Variants in NAGPA observed in about 807,000 individuals in gnomAD.
The protein encoded by NAGPA is N-acetylglucosamine-1-phosphodiester alpha-N-acetylglucosaminidase.
NAGPA carries 56 observed loss-of-function variants against 48.5 expected under a neutral mutation model. The ratio of observed to expected loss-of-function variants is 1.15; its 90% confidence interval spans 0.93 to 1.44. The LOEUF (loss-of-function observed/expected upper bound fraction) is 1.44, where lower values mean the gene tolerates loss of function less well. Among genes scored for constraint, NAGPA ranks in the 40% most tolerant of loss-of-function variants. The probability of loss-of-function intolerance (pLI) is 0.00; values close to 1 mark genes in which losing one functional copy is unlikely to be tolerated. For synonymous variants in NAGPA, 399 were observed against 315.5 expected (o/e 1.26, Z -2.81); for missense variants, 888 against 735.0 (o/e 1.21, Z -2.41).
In NAGPA at chr16:5,033,627, C is replaced by G. The variant is rs896748298; in HGVS notation, c.188G>C (p.Ser63Thr). Residue 63 changes from serine (S) to threonine (T), a missense_variant, in exon 2 of 10, where the codon AGT (serine) becomes ACT (threonine). By Grantham distance (58) the Ser-to-Thr change is moderately conservative. Coordinates refer to ENST00000312251, the MANE Select transcript of NAGPA (RefSeq NM_016256.4). The surrounding 1 kb of genome is among the most constrained non-coding windows in gnomAD (Gnocchi z 4.2). ...GGGAGTCGCGGGAGGCGGAGGCCAA[C>G]TCTCGTGCTCGCGGTTGCCGGCGCG... ...RVRAGNREHE[S>T]WPPPPATPGA... is the part of the protein sequence containing the mutation. 7 of 1,528,478 alleles carry G rather than the reference C, an allele frequency of 4.6e-6. No homozygotes were observed. The African/African-American group carries it at 5.7e-5, about 12-fold the overall frequency. 94.7% of individuals were successfully genotyped at this position (1,528,478 alleles called of 1,614,324 possible).
intron 7 of NAGPA, 25 bp from the exon 8 acceptor site, chr16:5,027,404 G>A (rs753430253): frequency 1.2e-6 from 2 of 1,607,998 alleles, no homozygotes; most frequent in South Asian, 2.2e-5. Context: ...TGGGAGGAGG[G>A]AGGAGGGAGG....
chr16:5,030,786 T>C, intron 3 of NAGPA: 1 of 475,644 alleles, frequency 2.1e-6, no homozygotes, highest in Non-Finnish European at 3.9e-6. Flanking sequence ...AGCCTCTTCC[T>C]CCTCCTGCCT....
At position 5,027,885 on chromosome 16, in the gene NAGPA, G is replaced by C; in HGVS notation, c.1135C>G (p.Arg379Gly). The C allele has an allele frequency of 6.3e-7, 1 of 1,588,398 alleles. No individual in the cohort carries two copies. The highest frequency in any genetic ancestry group is 8.6e-7 in the Non-Finnish European group (1 of 1,167,852). The change falls in exon 7 of 10, where the codon CGC (arginine) becomes GGC (glycine). Residue 379 changes from arginine to glycine, a missense_variant. Coordinates refer to ENST00000312251, the MANE Select transcript of NAGPA (RefSeq NM_016256.4). Reference sequence around the variant, plus strand: ...GACCCGGTCCATCCGGCATCACAGCGGCAGCCGGCTGCCGAGACAAGACCG... The same window carrying C: ...GACCCGGTCCATCCGGCATCACAGCCGCAGCCGGCTGCCGAGACAAGACCG... ...QHGLCTETGC[R>G]CDAGWTGSNC...
chr16:5,029,201 T>G (rs1264201616), intron 4 of NAGPA, 193 bp from the exon 5 acceptor site: 3 of 889,632 alleles, frequency 3.4e-6, no homozygotes, highest in Admixed American at 2.2e-5. Context: ...CCTGTGCTGT[T>G]ACATGGCATA....
In NAGPA at chr16:5,028,094, C is replaced by T. The variant is rs761063988; in HGVS notation, c.1012G>A (p.Gly338Arg). 6.2e-6 allele frequency: 10 copies of T among 1,612,588 alleles called. No individual in the cohort carries two copies. Among genetic ancestry groups the T allele is most frequent in the East Asian group, 2.2e-5 (1 of 44,836 alleles). The change falls in exon 6 of 10, where the codon GGG becomes AGG. Residue 338 changes from glycine (G) to arginine (R), a missense_variant. By Grantham distance (125) the Gly-to-Arg change is moderately radical. Transcript: ENST00000312251. ...TGGCAGTGCCCGTCCACGCAGGTCC[C>T]GTGGCCGTGGCAGTCAGGCGGCTGG... ...RCQPPDCHGH[G>R]TCVDGHCQCT...
At position 5,028,065 on chromosome 16, in the gene NAGPA, G is replaced by A; in HGVS notation, c.1041C>T (p.Cys347=). 13 of 1,613,848 alleles carry A rather than the reference G, an allele frequency of 8.1e-6. No individual in the cohort carries two copies. The highest frequency in any genetic ancestry group is 1.1e-5 in the South Asian group (1 of 91,082). The change falls in exon 6 of 10, where the codon TGC becomes TGT. Residue 347 remains cysteine (C), a synonymous_variant. Coordinates refer to ENST00000312251, the MANE Select transcript of NAGPA (RefSeq NM_016256.4). ...HGTCVDGHCQ[C]TGHFWRGPGC... ...CGGGACCCCGCCAGAAGTGCCCGGT[G>A]CATTGGCAGTGCCCGTCCACGCAGG...
Position 5,028,961 on chromosome 16 carries a change from A to C in NAGPA, c.839T>G (p.Val280Gly). 1 of 1,613,998 alleles carries C rather than the reference A, an allele frequency of 6.2e-7. No individual in the cohort carries two copies. The change falls in exon 5 of 10, where the codon GTC becomes GGC. Residue 280 changes from valine (V) to glycine (G), a missense_variant. Transcript: ENST00000312251. The part of the protein sequence containing the change: ...MAEFLLKQDV[V>G]NAINLDGGGS... Reference sequence around the variant, plus strand: ...ACCCCCATCCAGGTTGATGGCGTTGACCACGTCCTGTTTCAGCAGGAACTC... The same window carrying C: ...ACCCCCATCCAGGTTGATGGCGTTGCCCACGTCCTGTTTCAGCAGGAACTC...
chr16:5,028,776 C>T, intron 5 of NAGPA, 104 bp downstream of exon 5: 2 of 1,575,044 alleles, frequency 1.3e-6, no homozygotes, highest in South Asian at 1.1e-5. Context: ...CTCTCTTGAA[C>T]CCCCGGGGCC....
chr16:5,025,883 G>A (rs1955991390), intron 9 of NAGPA, among the ~76,000 whole-genome samples, 198 bp from the exon 10 acceptor site: 1 of 152,124 alleles, frequency 6.6e-6, no homozygotes, highest in Admixed American at 6.5e-5. Flanking sequence ...GAACAGCAGA[G>A]GCAGTCATGA....
At chr16:5,027,937 A>AGGCAGGGCTG in intron 6 of NAGPA, 43 bp downstream of exon 6, 1 of 1,613,476 alleles carries the variant, frequency 6.2e-7, no homozygotes, top group Non-Finnish European at 8.5e-7. Flanking sequence ...GCCTAGGGCA[A>AGGCAGGGCTG]GGCAGGGCTG....
rs949781692 is a variant in NAGPA at position 5,033,235 on chromosome 16, C to T, written c.542+38G>A. On this transcript the variant is annotated intron_variant, in intron 2 of 9. Transcript: ENST00000312251. The surrounding 1 kb of genome is among the most constrained non-coding windows in gnomAD (Gnocchi z 4.2). ...ACGGCTACAACCCAAATCTCAGGCCCTCTGCCCTCGACAGCACGGGGCTCC... is the reference window on the plus strand; with the variant it reads ...ACGGCTACAACCCAAATCTCAGGCCTTCTGCCCTCGACAGCACGGGGCTCC... 3 of 1,559,334 alleles carry T rather than the reference C, an allele frequency of 1.9e-6. No individual in the cohort carries two copies. Among genetic ancestry groups the T allele is most frequent in the African/African-American group, 2.7e-5 (2 of 73,822 alleles).
Position 5,028,001 on chromosome 16 carries a change from G to A in NAGPA, c.1105C>T (p.Gln369Ter). 6.2e-7 allele frequency: 1 copy of A among 1,611,968 alleles called. No homozygotes were observed. The highest frequency in any genetic ancestry group is 8.5e-7 in the Non-Finnish European group (1 of 1,179,722). ...TCACTCTCCGTGCACAGTCCGTGCT[G>A]GCTGCAGTTAGAGGGGCCACAGTCC... ...ELDCGPSNCS[Q>*]HGLCTETGCR... Residue 369 changes from glutamine to a stop codon, truncating the protein, a stop_gained, in exon 6 of 10, where the codon CAG becomes TAG. Coordinates refer to ENST00000312251, the MANE Select transcript of NAGPA (RefSeq NM_016256.4). LOFTEE classifies it high-confidence loss of function.
At position 5,025,585 on chromosome 16, in the gene NAGPA, G is replaced by C; in HGVS notation, c.1441C>G (p.Arg481Gly). 1 of 1,613,898 alleles carries C rather than the reference G, an allele frequency of 6.2e-7. No homozygotes were observed. The highest frequency in any genetic ancestry group is 8.5e-7 in the Non-Finnish European group (1 of 1,180,050). Reference protein sequence around the residue: ...LLLSRAERNRRLHGDYAYHPL... With the variant: ...LLLSRAERNRGLHGDYAYHPL... Reference sequence around the variant, plus strand: ...TGGTATGCATAGTCCCCATGCAGGCGCCGGTTCCTCTCTGCTCTGGACAGG... The same window carrying C: ...TGGTATGCATAGTCCCCATGCAGGCCCCGGTTCCTCTCTGCTCTGGACAGG... The change falls in exon 10 of 10, where the codon CGC (arginine) becomes GGC (glycine). Residue 481 changes from arginine (R) to glycine (G), a missense_variant. Transcript: ENST00000312251.
In NAGPA at chr16:5,033,597, G is replaced by A. The variant is rs755122540; in HGVS notation, c.218C>T (p.Ala73Val). Residue 73 changes from alanine to valine, a missense_variant, in exon 2 of 10, where the codon GCC (alanine) becomes GTC (valine). Physicochemically the swap from Ala to Val is moderately conservative, Grantham distance 64. Transcript: ENST00000312251. This position sits in a 1 kb window ranked among gnomAD's most constrained non-coding sequence, Gnocchi z 4.2. Reference protein sequence around the residue: ...SWPPPPATPGAGGLAVRTFVS... With the variant: ...SWPPPPATPGVGGLAVRTFVS... ...GAAGGTGCGCACGGCCAGACCGCCG[G>A]CGCCGGGAGTCGCGGGAGGCGGAGG... 8.7e-6 allele frequency: 13 copies of A among 1,490,000 alleles called. No individual in the cohort carries two copies. Among genetic ancestry groups the A allele is most frequent in the Non-Finnish European group, 1.1e-5 (12 of 1,131,906 alleles). The allele number at this position is 1,490,000 out of a possible 1,614,324, so 92.3% of individuals were successfully genotyped here.
Position 5,030,717 on chromosome 16 carries a change from C to T in NAGPA, c.683-224G>A, listed in dbSNP as rs547163752. ...AGCTATGCCAGCCTCCAGGTGAAGA[C>T]CCTCTAATGGTTTCCCCTGTTCTTA... On this transcript the variant is annotated intron_variant, in intron 3 of 9. Coordinates refer to ENST00000312251, the MANE Select transcript of NAGPA (RefSeq NM_016256.4). 459 of 605,964 alleles carry T rather than the reference C, an allele frequency of 7.6e-4. 5 individuals are homozygous for T. In the South Asian group the frequency reaches 8.4e-3, roughly 11 times the overall value. 37.5% of individuals were successfully genotyped at this position (605,964 alleles called of 1,614,324 possible).
At position 5,033,674 on chromosome 16, in the gene NAGPA, G is replaced by A; in HGVS notation, c.141C>T (p.Leu47=). ...CGCGCACCCGTGTGCAGTCCCGGGG[G>A]AGGCGCGCGCGCGCGCGTGGATAGG... ...LLPYPRARAR[L]PRDCTRVRAG... Residue 47 remains leucine (L), a synonymous_variant, in exon 2 of 10, where the codon CTC becomes CTT. Transcript: ENST00000312251. The surrounding 1 kb of genome is among the most constrained non-coding windows in gnomAD (Gnocchi z 4.2). 4 of 1,594,554 alleles carry A rather than the reference G, an allele frequency of 2.5e-6. No homozygotes were observed. The highest frequency in any genetic ancestry group is 2.7e-5 in the African/African-American group (2 of 74,758).
chr16:5,029,217 C>T lies in NAGPA; in HGVS notation c.792-209G>A, dbSNP rs181565515. On this transcript the variant is annotated intron_variant, in intron 4 of 9. Transcript: ENST00000312251. Reference sequence around the variant, plus strand: ...CTGTGCTGTTACATGGCATAGGAATCCTTAAGGGAGGGGAAACGGCCCGGA... The same window carrying T: ...CTGTGCTGTTACATGGCATAGGAATTCTTAAGGGAGGGGAAACGGCCCGGA... The T allele has an allele frequency of 7.2e-3, 5,705 of 793,780 alleles. 31 individuals are homozygous for T. The highest frequency in any genetic ancestry group is 9.1e-3 in the Non-Finnish European group (4,565 of 502,046). 49.2% of individuals were successfully genotyped at this position (793,780 alleles called of 1,614,324 possible). A position where few individuals can be genotyped will look rare whatever the true frequency, so the allele number is the denominator to read the frequency against.
Position 5,033,893 on chromosome 16 carries a change from A to C in NAGPA, c.22T>G (p.Trp8Gly). The C allele has an allele frequency of 6.5e-7, 1 of 1,549,258 alleles. No homozygotes were observed. Among genetic ancestry groups the C allele is most frequent in the Non-Finnish European group, 8.7e-7 (1 of 1,146,926 alleles). The change falls in exon 1 of 10, where the codon TGG (tryptophan) becomes GGG (glycine). Residue 8 changes from tryptophan to glycine, a missense_variant. Transcript: ENST00000312251. This position sits in a 1 kb window ranked among gnomAD's most constrained non-coding sequence, Gnocchi z 4.2. Reference protein sequence around the residue: MATSTGRWLLLRLALFGF... With the variant: MATSTGRGLLLRLALFGF... ...AATAGTGCAAGCCGGAGGAGAAGCC[A>C]GCGACCCGTGGAGGTCGCCATATTG... is the stretch of plus-strand genomic sequence containing the variant.
At position 5,025,463 on chromosome 16, in the gene NAGPA, G is replaced by C. The variant is rs748610665; in HGVS notation, c.*15C>G. 1 of 1,611,208 alleles carries C rather than the reference G, an allele frequency of 6.2e-7. No individual in the cohort carries two copies. On this transcript the variant is annotated 3_prime_UTR_variant, in exon 10 of 10. Coordinates refer to ENST00000312251, the MANE Select transcript of NAGPA (RefSeq NM_016256.4). ...ACAAGCTTTCGCGACGTGCCACCCC[G>C]GGCAGCTTGAGGCTTCAGTCCTTGA...
Sources: gnomAD v4.1 joint callset for allele counts (sites outside exome capture counted in the v4.1 genomes callset) on GRCh38, gnomAD v4.1.1 for gene constraint, Gnocchi (gnomAD v3.1) non-coding constraint, MANE v1.5 for transcripts, NCBI Gene and HGNC (gene_info 2026-07-23, HGNC 2026-07-21) for gene names.